Variants in CIT observed in about 807,000 individuals in gnomAD.
CIT encodes citron Rho-interacting kinase.
A neutral mutation model predicts 272.7 loss-of-function variants in CIT; 79 were observed. That is an observed-to-expected ratio of 0.29 (90% confidence interval 0.24 to 0.35). The LOEUF (loss-of-function observed/expected upper bound fraction) is 0.35. Among genes scored for constraint, CIT ranks in the 10% least tolerant of loss-of-function variants. The pLI, the probability that CIT is intolerant of heterozygous loss-of-function variation, is 1.00. For synonymous variants in CIT, 948 were observed against 995.6 expected, an observed-to-expected ratio of 0.95 and a Z score of 0.90; for missense variants, 1,909 against 2,618.3, an observed-to-expected ratio of 0.73 and a Z score of 5.91.
chr12:119,864,461 A>G (rs1950459355), intron 3 of CIT, among the ~76,000 whole-genome samples: 1 of 152,050 alleles, frequency 6.6e-6, no homozygotes, highest in South Asian at 2.1e-4. Context: ...TCAGCCTCCC[A>G]AGTAGCTGGG....
intron 22 of CIT, 73 bp downstream of exon 22, chr12:119,757,298 T>C: frequency 6.4e-7 from 1 of 1,562,696 alleles, no homozygotes; most frequent in Non-Finnish European, 8.7e-7. Flanking sequence ...TATTGATTTG[T>C]GCTCGAAAGC....
At chr12:119,757,756 T>C (rs1425596578) in intron 21 of CIT, among the ~76,000 whole-genome samples, 2 of 152,160 alleles carry the variant, frequency 1.3e-5, no homozygotes, top group Non-Finnish European at 2.9e-5. Flanking sequence ...CCACTCAGTG[T>C]CAGTCCCTCA....
chr12:119,688,301 T>A, intron 47 of CIT, 46 bp from the exon 48 acceptor site: 1 of 1,585,768 alleles, frequency 6.3e-7, no homozygotes, highest in South Asian at 1.1e-5. Flanking sequence ...AGGCCAGAAG[T>A]TGCTGTGCTC....
At chr12:119,761,321 C>G (rs1961762460) in intron 19 of CIT, among the ~76,000 whole-genome samples, 1 of 152,076 alleles carries the variant, frequency 6.6e-6, no homozygotes, top group Admixed American at 6.6e-5. Context: ...GCCCAAAGAC[C>G]AGAGAGATAT....
chr12:119,749,767 T>C (rs1959959419), intron 23 of CIT, among the ~76,000 whole-genome samples: 1 of 152,198 alleles, frequency 6.6e-6, no homozygotes, highest in African/African-American at 2.4e-5. Flanking sequence ...TGATCTCATC[T>C]AACTAAATTA....
chr12:119,721,477 C>A (rs1000669452), intron 28 of CIT, 28 bp from the exon 29 acceptor site: 46 of 1,588,280 alleles, frequency 2.9e-5, no homozygotes, highest in Non-Finnish European at 3.9e-5. Context: ...CAGGGAAATG[C>A]TTGATACTGC....
chr12:119,783,222 T>C (rs1195229933), intron 12 of CIT: 2 of 152,240 alleles, frequency 1.3e-5, no homozygotes, highest in Non-Finnish European at 2.9e-5. Context: ...GGCAGCCAAG[T>C]CTGGAATGGA....
intron 32 of CIT, among the ~76,000 whole-genome samples, chr12:119,715,942 C>T (rs1041074477): frequency 1.3e-5 from 2 of 152,140 alleles, no homozygotes; most frequent in African/African-American, 4.8e-5. Flanking sequence ...AACAGGAATG[C>T]ACTTTGAAAC....
At chr12:119,704,503 G>A (rs375142870) in intron 40 of CIT, 48 bp from the exon 41 acceptor site, 73 of 1,528,274 alleles carry the variant, frequency 4.8e-5, no homozygotes, top group African/African-American at 6.8e-5. Flanking sequence ...GTGTGATACC[G>A]GCTGTGGGGC....
At chr12:119,788,209 C>T (rs1373655302) in intron 10 of CIT, among the ~76,000 whole-genome samples, 1 of 152,166 alleles carries the variant, frequency 6.6e-6, no homozygotes, top group Non-Finnish European at 1.5e-5. Flanking sequence ...TTCTCACCAG[C>T]CTGTTTTCTA....
At chr12:119,748,429 C>A (rs1372912763) in intron 23 of CIT, among the ~76,000 whole-genome samples, 1 of 152,194 alleles carries the variant, frequency 6.6e-6, no homozygotes, top group East Asian at 1.9e-4. Flanking sequence ...AGGAAACAAG[C>A]GTGTAGATGT....
rs749262775 is a variant in CIT at position 119,825,203 on chromosome 12, T to G, written c.919A>C (p.Thr307Pro). 6.2e-7 allele frequency: 1 copy of G among 1,613,946 alleles called. No individual in the cohort carries two copies. Among genetic ancestry groups the G allele is most frequent in the African/African-American group, 1.3e-5 (1 of 75,004 alleles). Residue 307 changes from threonine (T) to proline (P), a missense_variant, in exon 8 of 48, where the codon ACC becomes CCC. By Grantham distance (38) the Thr-to-Pro change is conservative. Transcript: ENST00000392521. ...ATGTTATTGAAGGTTCTGGCAGAGG[T>G]TCCCTCTGCGAAGGGGGATCTCCCA... ...IYGRSPFAEG[T>P]SARTFNNIMN...
chr12:119,858,604 A>G (rs1950238851), intron 3 of CIT, among the ~76,000 whole-genome samples: 1 of 152,092 alleles, frequency 6.6e-6, no homozygotes, highest in Admixed American at 6.6e-5. Flanking sequence ...GTGGATCACA[A>G]GGTCAGGAGA....
At chr12:119,840,196 T>C (rs568087602) in intron 5 of CIT, among the ~76,000 whole-genome samples, 1 of 152,318 alleles carries the variant, frequency 6.6e-6, no homozygotes, top group East Asian at 1.9e-4. Context: ...TATATGCCTA[T>C]AGTCCCAGCT....
chr12:119,730,724 A>G (rs995865082), intron 26 of CIT, 94 bp from the exon 27 acceptor site: 101 of 1,367,244 alleles, frequency 7.4e-5, no homozygotes, highest in Non-Finnish European at 9.6e-5. Context: ...CGAGCAACTA[A>G]ACAGGCTGCA....
chr12:119,793,474 C>T (rs1011785979), intron 10 of CIT, among the ~76,000 whole-genome samples: 1 of 152,140 alleles, frequency 6.6e-6, no homozygotes, highest in East Asian at 1.9e-4. Flanking sequence ...GAAATAAGAC[C>T]CAGATATTCC....
chr12:119,749,926 A>G (rs1399686148), intron 23 of CIT, among the ~76,000 whole-genome samples: 1 of 152,196 alleles, frequency 6.6e-6, no homozygotes, highest in Non-Finnish European at 1.5e-5. Flanking sequence ...CCTTCCAAAC[A>G]GGGCCAGGAT....
intron 4 of CIT, among the ~76,000 whole-genome samples, chr12:119,854,415 A>C (rs1005984465): frequency 6.6e-6 from 1 of 151,488 alleles, no homozygotes; most frequent in Non-Finnish European, 1.5e-5. Flanking sequence ...AAGTGGGCAG[A>C]TCACTTGAGG....
intron 5 of CIT, among the ~76,000 whole-genome samples, chr12:119,849,877 G>A (rs562674624): frequency 6.6e-5 from 10 of 152,124 alleles, no homozygotes; most frequent in South Asian, 4.2e-4. Flanking sequence ...TAGTAGAGAC[G>A]GGGTTTCACT....
Sources: allele counts gnomAD v4.1 joint callset (sites outside exome capture counted in the v4.1 genomes callset), GRCh38; gene constraint gnomAD v4.1.1; transcripts MANE v1.5; gene names NCBI Gene and HGNC (gene_info 2026-07-23, HGNC 2026-07-21).